Variants in UNC5C observed in about 807,000 individuals in gnomAD.
The protein encoded by UNC5C is netrin receptor UNC5C.
A neutral mutation model predicts 99.8 loss-of-function variants in UNC5C; 47 were observed. That is an observed-to-expected ratio of 0.47 (90% CI 0.37 to 0.60). UNC5C has a LOEUF of 0.60. UNC5C is among the 20% of genes least tolerant of loss of function. UNC5C has a pLI of 0.00. For synonymous variants in UNC5C, 487 were observed against 452.2 expected, an observed-to-expected ratio of 1.08 and a Z score of -0.98; for missense variants, 1,062 against 1,165.9, an observed-to-expected ratio of 0.91 and a Z score of 1.30.
chr4:95,231,244 T>C (rs912687004), intron 7 of UNC5C, among the ~76,000 whole-genome samples: 7 of 152,168 alleles, frequency 4.6e-5, no homozygotes, highest in African/African-American at 1.7e-4. Flanking sequence ...CTTTGAGGTT[T>C]ACTCATTACA....
chr4:95,453,868 T>C (rs1404642168), intron 1 of UNC5C, among the ~76,000 whole-genome samples: 2 of 152,102 alleles, frequency 1.3e-5, no homozygotes, highest in Admixed American at 1.3e-4. Flanking sequence ...GTCTCATTCC[T>C]CAAGAAAAAT....
chr4:95,338,996 T>A (rs1743454480), intron 1 of UNC5C, among the ~76,000 whole-genome samples: 1 of 152,066 alleles, frequency 6.6e-6, no homozygotes, highest in Admixed American at 6.6e-5. Flanking sequence ...CACATACCCG[T>A]GAAACCAGCC....
At chr4:95,493,481 T>A (rs767913903) in intron 1 of UNC5C, among the ~76,000 whole-genome samples, 32 of 151,480 alleles carry the variant, frequency 2.1e-4, no homozygotes, top group Admixed American at 6.6e-4. Flanking sequence ...TGAATATTTT[T>A]ATCCAACAAT....
intron 1 of UNC5C, among the ~76,000 whole-genome samples, chr4:95,490,681 A>G (rs1721458506): frequency 1.3e-5 from 2 of 151,770 alleles, no homozygotes; most frequent in South Asian, 2.1e-4. Context: ...TTGTTTCTGA[A>G]TACATTTAAC....
intron 1 of UNC5C, among the ~76,000 whole-genome samples, chr4:95,429,021 A>G (rs1746559187): frequency 6.6e-6 from 1 of 152,040 alleles, no homozygotes; most frequent in Non-Finnish European, 1.5e-5. Flanking sequence ...TACATCTAAA[A>G]GCTTTCTGCT....
intron 1 of UNC5C, among the ~76,000 whole-genome samples, chr4:95,402,983 T>G (rs1026222056): frequency 1.3e-5 from 2 of 152,224 alleles, no homozygotes; most frequent in African/African-American, 4.8e-5. Flanking sequence ...AAATACATTG[T>G]AAGGTGTTTA....
At chr4:95,219,462 C>A (rs1738385940) in intron 8 of UNC5C, 149 bp from the exon 9 acceptor site, 1 of 717,474 alleles carries the variant, frequency 1.4e-6, no homozygotes. Context: ...GAAAACAGGG[C>A]AATCAGATAA....
intron 1 of UNC5C, among the ~76,000 whole-genome samples, chr4:95,482,680 T>TA (rs1453601447): frequency 7.7e-6 from 1 of 130,314 alleles, no homozygotes; most frequent in Non-Finnish European, 1.7e-5. Context: ...TATGCAGCCA[T>TA]AAAAAATGAT....
At chr4:95,296,326 A>G (rs1024976952) in intron 3 of UNC5C, among the ~76,000 whole-genome samples, 1 of 152,188 alleles carries the variant, frequency 6.6e-6, no homozygotes, top group African/African-American at 2.4e-5. Flanking sequence ...ATATTATTAC[A>G]TGAGGGTGAA....
intron 1 of UNC5C, among the ~76,000 whole-genome samples, chr4:95,380,805 T>G (rs1418022476): frequency 6.6e-6 from 1 of 152,204 alleles, no homozygotes; most frequent in Non-Finnish European, 1.5e-5. Flanking sequence ...ATTAAGCATT[T>G]ACCTTCAGTT....
intron 10 of UNC5C, among the ~76,000 whole-genome samples, chr4:95,209,509 T>C (rs1738003128): frequency 6.6e-6 from 1 of 152,146 alleles, no homozygotes; most frequent in African/African-American, 2.4e-5. Context: ...CAACACAAAT[T>C]TTACCTACTT....
intron 1 of UNC5C, among the ~76,000 whole-genome samples, chr4:95,540,041 C>A (rs1722877813): frequency 6.6e-6 from 1 of 151,302 alleles, no homozygotes; most frequent in Non-Finnish European, 1.5e-5. Flanking sequence ...ATAAAAATGA[C>A]AACAATTCTT....
At chr4:95,391,659 G>A (rs987292522) in intron 1 of UNC5C, among the ~76,000 whole-genome samples, 3 of 149,022 alleles carry the variant, frequency 2.0e-5, no homozygotes, top group Non-Finnish European at 3.0e-5. Context: ...AAATGATTTA[G>A]TAGACAGTGT....
chr4:95,250,440 A>T, intron 5 of UNC5C, 47 bp downstream of exon 5: 1 of 1,562,720 alleles, frequency 6.4e-7, no homozygotes, highest in Non-Finnish European at 8.7e-7. Flanking sequence ...CCAACGAGAA[A>T]CTGCAGTTAA....
chr4:95,390,529 A>G (rs1368013646), intron 1 of UNC5C, among the ~76,000 whole-genome samples: 2 of 152,206 alleles, frequency 1.3e-5, no homozygotes, highest in South Asian at 2.1e-4. Flanking sequence ...GTCTGAATTG[A>G]GGTCCAAGTC....
chr4:95,246,402 A>T (rs994290131), intron 5 of UNC5C, among the ~76,000 whole-genome samples: 2 of 150,116 alleles, frequency 1.3e-5, no homozygotes, highest in African/African-American at 4.9e-5. Flanking sequence ...ACAAAAATTA[A>T]AAAAAAAAAT....
intron 14 of UNC5C, among the ~76,000 whole-genome samples, chr4:95,178,709 G>A (rs1328430260): frequency 6.6e-6 from 1 of 152,222 alleles, no homozygotes; most frequent in Non-Finnish European, 1.5e-5. Flanking sequence ...GTTGAAGATA[G>A]ATAGGCATGG....
chr4:95,544,108 T>C (rs1722994533), intron 1 of UNC5C, among the ~76,000 whole-genome samples: 1 of 152,254 alleles, frequency 6.6e-6, no homozygotes, highest in African/African-American at 2.4e-5. Flanking sequence ...AGCTAAAAGC[T>C]GCTCTAATTG....
At chr4:95,315,566 T>C (rs530955587) in intron 2 of UNC5C, among the ~76,000 whole-genome samples, 1 of 152,332 alleles carries the variant, frequency 6.6e-6, no homozygotes, top group African/African-American at 2.4e-5. Flanking sequence ...TTTGTTCTTC[T>C]TCCTTTATTT....
Sources: gnomAD v4.1 joint callset for allele counts (sites outside exome capture counted in the v4.1 genomes callset) on GRCh38, gnomAD v4.1.1 for gene constraint, MANE v1.5 for transcripts, NCBI Gene and HGNC (gene_info 2026-07-23, HGNC 2026-07-21) for gene names.